Variants in GEMIN5 observed in about 807,000 individuals in gnomAD.
GEMIN5 encodes the protein gem-associated protein 5.
GEMIN5 carries 124 observed loss-of-function variants against 176.9 expected under a neutral mutation model. That is an observed-to-expected ratio of 0.70 (90% CI 0.61 to 0.81). GEMIN5 has a LOEUF of 0.81. Ranked by LOEUF, GEMIN5 falls within the 40% of genes least tolerant of loss-of-function variation. The pLI is 0.00. For synonymous variants in GEMIN5, 673 were observed against 665.2 expected (o/e 1.01, Z -0.18); for missense variants, 1,843 against 1,814.6 (o/e 1.02, Z -0.28).
At chr5:154,895,996 TC>T (rs762998642) in intron 24 of GEMIN5, 95 bp downstream of exon 24, 5 of 1,412,204 alleles carry the variant, frequency 3.5e-6, no homozygotes, top group Non-Finnish European at 4.9e-6. Context: ...TGAAACACAG[TC>T]CAGTATTCTG....
intron 8 of GEMIN5, among the ~76,000 whole-genome samples, chr5:154,924,865 T>C (rs996457617): frequency 6.6e-6 from 1 of 151,884 alleles, no homozygotes; most frequent in African/African-American, 2.4e-5. Flanking sequence ...GGCGGGCGCC[T>C]GTAGTCCCAG....
At chr5:154,889,925 GAAC>G (rs1250641631) in intron 26 of GEMIN5, among the ~76,000 whole-genome samples, 1 of 152,246 alleles carries the variant, frequency 6.6e-6, no homozygotes, top group African/African-American at 2.4e-5. Flanking sequence ...ATGCTGCCAT[GAAC>G]ACAGGTGTGC....
At chr5:154,904,937 A>G (rs1763539799) in intron 17 of GEMIN5, among the ~76,000 whole-genome samples, 1 of 152,252 alleles carries the variant, frequency 6.6e-6, no homozygotes, top group South Asian at 2.1e-4. Flanking sequence ...TCACGCCTGT[A>G]ATCCCAGCAC....
At chr5:154,919,267 G>A (rs1763873310) in intron 11 of GEMIN5, among the ~76,000 whole-genome samples, 1 of 152,080 alleles carries the variant, frequency 6.6e-6, no homozygotes, top group Admixed American at 6.5e-5. Context: ...GGAGGCCGGA[G>A]GTTGCAGTAA....
At chr5:154,916,358 A>G (rs1250903600) in intron 13 of GEMIN5, among the ~76,000 whole-genome samples, 1 of 152,236 alleles carries the variant, frequency 6.6e-6, no homozygotes, top group Non-Finnish European at 1.5e-5. Context: ...AGTACACAGA[A>G]GTGCAAACCT....
At position 154,894,321 on chromosome 5, in the gene GEMIN5, A is replaced by G. The variant is rs111605705; in HGVS notation, c.3597+1771T>C. On this transcript the variant is annotated intron_variant, in intron 24 of 27. Transcript: ENST00000285873. ...TGCATATCCATTCATCAGTTGATGG[A>G]CATTTGGGTTGTTTCTAGTTTTTGG... Among the ~76,000 whole-genome samples the G allele has an allele frequency of 1.4e-3, 210 of 152,244 alleles. 1 individual carries two copies. The highest frequency in any genetic ancestry group is 4.9e-3 in the African/African-American group (202 of 41,548).
intron 16 of GEMIN5, among the ~76,000 whole-genome samples, chr5:154,907,356 A>G (rs1273749063): frequency 6.6e-6 from 1 of 152,186 alleles, no homozygotes; most frequent in East Asian, 1.9e-4. Flanking sequence ...AAGTTGAATA[A>G]GAAGTTTTCT....
chr5:154,916,046 T>C (rs1410291886), intron 13 of GEMIN5, among the ~76,000 whole-genome samples: 1 of 151,530 alleles, frequency 6.6e-6, no homozygotes, highest in Non-Finnish European at 1.5e-5. Flanking sequence ...AGGTAACTGT[T>C]TTTTTTTTAA....
Position 154,937,842 on chromosome 5 carries a change from C to T in GEMIN5, c.166+126G>A, listed in dbSNP as rs1764301999. The T allele has an allele frequency of 2.1e-5, 17 of 801,046 alleles. No individual in the cohort carries two copies. In the South Asian group the frequency reaches 3.2e-4, roughly 15 times the overall value. 49.6% of individuals were successfully genotyped at this position (801,046 alleles called of 1,614,324 possible). ...AGCAACTCAGCTTAGTGACTGTGGG[C>T]TGCCTCTCCTCCCAGCCTGGGCCTC... On this transcript the variant is annotated intron_variant, in intron 1 of 27. Coordinates refer to ENST00000285873, the MANE Select transcript of GEMIN5 (RefSeq NM_015465.5).
At chr5:154,894,496 C>T (rs1345496093) in intron 24 of GEMIN5, among the ~76,000 whole-genome samples, 1 of 152,054 alleles carries the variant, frequency 6.6e-6, no homozygotes, top group Non-Finnish European at 1.5e-5. Context: ...CCTGGCCAGG[C>T]GTGATGGCTC....
chr5:154,896,815 G>A (rs186559168), intron 23 of GEMIN5, among the ~76,000 whole-genome samples: 233 of 152,312 alleles, frequency 1.5e-3, no homozygotes, highest in African/African-American at 5.5e-3. Context: ...TGTCCAAATA[G>A]GTTTAATAGA....
intron 14 of GEMIN5, 43 bp downstream of exon 14, chr5:154,912,856 A>C: frequency 1.9e-6 from 3 of 1,540,288 alleles, no homozygotes; most frequent in Non-Finnish European, 2.7e-6. Flanking sequence ...AATTTGTTAG[A>C]GTACACAGTG....
intron 23 of GEMIN5, among the ~76,000 whole-genome samples, chr5:154,897,507 CT>C (rs1763374758): frequency 6.6e-6 from 1 of 151,852 alleles, no homozygotes; most frequent in Non-Finnish European, 1.5e-5. Flanking sequence ...TCTTTTTTTT[CT>C]GAAGAGTCTC....
At chr5:154,921,306 A>C (rs751962762) in intron 10 of GEMIN5, 37 bp downstream of exon 10, 1 of 884,762 alleles carries the variant, frequency 1.1e-6, no homozygotes, top group Admixed American at 1.8e-5. Flanking sequence ...AAGGAAGAAT[A>C]CTCTCATATT....
chr5:154,910,581 G>C (rs1050342941), intron 15 of GEMIN5, among the ~76,000 whole-genome samples: 1 of 152,236 alleles, frequency 6.6e-6, no homozygotes, highest in Non-Finnish European at 1.5e-5. Context: ...TGGGAATACA[G>C]ACATGAGCCA....
intron 5 of GEMIN5, among the ~76,000 whole-genome samples, chr5:154,930,289 GA>G (rs1158849290): frequency 6.6e-6 from 1 of 152,188 alleles, no homozygotes; most frequent in Non-Finnish European, 1.5e-5. Flanking sequence ...ATGCGTCAGG[GA>G]TAAGAACCCC....
At chr5:154,916,626 T>G (rs534873966) in intron 13 of GEMIN5, among the ~76,000 whole-genome samples, 3 of 152,134 alleles carry the variant, frequency 2.0e-5, no homozygotes, top group Non-Finnish European at 4.4e-5. Flanking sequence ...TAGCTGGGAC[T>G]AAAGGCATGC....
rs751734850 is a variant in GEMIN5 at position 154,937,988 on chromosome 5, G to A, written c.146C>T (p.Pro49Leu). ...VRVGPGAGES[P>L]GTPPFRVIGE... ...GTTACCTCGAAACGGGGGTGTCCCT[G>A]GACTCTCGCCTGCGCCCGGGCCCAC... is the stretch of plus-strand genomic sequence containing the variant. The change falls in exon 1 of 28, where the codon CCA becomes CTA. Residue 49 changes from proline to leucine, a missense_variant. Transcript: ENST00000285873. 6 of 1,574,574 alleles carry A rather than the reference G, an allele frequency of 3.8e-6. No individual in the cohort carries two copies. The Admixed American group carries it at 9.0e-5, about 24-fold the overall frequency.
chr5:154,890,659 G>C (rs1763205272), intron 26 of GEMIN5, among the ~76,000 whole-genome samples: 1 of 152,060 alleles, frequency 6.6e-6, no homozygotes, highest in African/African-American at 2.4e-5. Context: ...TCTAGAGACA[G>C]GGTCTCAATA....
Sources: gnomAD v4.1 joint callset for allele counts (sites outside exome capture counted in the v4.1 genomes callset) on GRCh38, gnomAD v4.1.1 for gene constraint, MANE v1.5 for transcripts, NCBI Gene and HGNC (gene_info 2026-07-23, HGNC 2026-07-21) for gene names.